FAM135B: variants seen among roughly 807,000 people sequenced by gnomAD.
The protein encoded by FAM135B is family with sequence similarity 135 member B.
In FAM135B, 43 loss-of-function variants were observed where a neutral mutation model predicts 127.7. The observed-to-expected ratio is 0.34, with a 90% CI of 0.26 to 0.43. The LOEUF (loss-of-function observed/expected upper bound fraction) is 0.43. Ranked by LOEUF, FAM135B falls within the 20% of genes least tolerant of loss-of-function variation. FAM135B has a pLI of 1.00. For synonymous variants in FAM135B, 670 were observed against 665.1 expected (o/e 1.01, Z -0.11); for missense variants, 1,558 against 1,725.6 (o/e 0.90, Z 1.72).
rs78347085 is a variant in FAM135B, at chr8:138,261,816, A to C, written c.297+3887T>G. Reference sequence around the variant, plus strand: ...AGCACATGGAATCATGTGTTTGATGAATAGGCATTTCATAAATGTCTGTTG... The same window carrying C: ...AGCACATGGAATCATGTGTTTGATGCATAGGCATTTCATAAATGTCTGTTG... On this transcript the variant is annotated intron_variant, in intron 4 of 19. Coordinates refer to ENST00000395297, the MANE Select transcript of FAM135B (RefSeq NM_015912.4). 5.1e-3 allele frequency among the ~76,000 whole-genome samples: 777 copies of C among 152,324 alleles called. 4 individuals are homozygous for C. The highest frequency in any genetic ancestry group is 0.02 in the Middle Eastern group (6 of 294).
chr8:138,208,207 G>C (rs751295848), intron 7 of FAM135B, among the ~76,000 whole-genome samples: 1 of 152,096 alleles, frequency 6.6e-6, no homozygotes, highest in East Asian at 1.9e-4. Flanking sequence ...TAGAGGGTTC[G>C]AATAGGTCAG....
At chr8:138,357,303 A>G (rs75331511) in intron 2 of FAM135B, among the ~76,000 whole-genome samples, 4,922 of 152,242 alleles carry the variant, frequency 0.032, 159 homozygotes, top group East Asian at 0.17. Context: ...AAAATACAGC[A>G]TTGGTTAAAT....
At chr8:138,468,677 T>A (rs150259441) in intron 1 of FAM135B, among the ~76,000 whole-genome samples, 1 of 152,348 alleles carries the variant, frequency 6.6e-6, no homozygotes, top group East Asian at 1.9e-4. Context: ...AATTTAAAAA[T>A]TTTAGTATTT....
chr8:138,181,245 A>C (rs1415164057), intron 9 of FAM135B, among the ~76,000 whole-genome samples: 1 of 152,168 alleles, frequency 6.6e-6, no homozygotes. Context: ...GTTTCAAAAA[A>C]ATAAAGAAGA....
chr8:138,409,076 T>C (rs1833700266), intron 1 of FAM135B, among the ~76,000 whole-genome samples: 1 of 152,234 alleles, frequency 6.6e-6, no homozygotes, highest in Non-Finnish European at 1.5e-5. Flanking sequence ...TAGCTTTCAG[T>C]TGATCTCAGC....
At chr8:138,372,158 G>T (rs1019817382) in intron 1 of FAM135B, among the ~76,000 whole-genome samples, 2 of 152,194 alleles carry the variant, frequency 1.3e-5, no homozygotes, top group African/African-American at 4.8e-5. Context: ...TGTTCAGAAA[G>T]TGAAGAGAGT....
intron 1 of FAM135B, among the ~76,000 whole-genome samples, chr8:138,394,593 C>T (rs1832760501): frequency 1.3e-5 from 2 of 152,174 alleles, no homozygotes; most frequent in Non-Finnish European, 2.9e-5. Context: ...CTGTGGTGGT[C>T]TCATTTCACT....
intron 2 of FAM135B, among the ~76,000 whole-genome samples, chr8:138,363,982 C>A (rs1027640731): frequency 6.6e-6 from 1 of 152,118 alleles, no homozygotes; most frequent in East Asian, 1.9e-4. Flanking sequence ...CCTTGTAGAG[C>A]ACACATTTAA....
intron 19 of FAM135B, among the ~76,000 whole-genome samples, chr8:138,136,940 A>G (rs977919517): frequency 1.3e-5 from 2 of 152,206 alleles, no homozygotes; most frequent in Non-Finnish European, 2.9e-5. Context: ...AAGTTTCATA[A>G]TCTAATAAAC....
At chr8:138,218,408 C>T (rs1469925046) in intron 7 of FAM135B, among the ~76,000 whole-genome samples, 3 of 152,164 alleles carry the variant, frequency 2.0e-5, no homozygotes, top group Non-Finnish European at 4.4e-5. Flanking sequence ...CTCACAATCA[C>T]ATATTAATTT....
At chr8:138,192,427 C>A (rs1444331531) in intron 9 of FAM135B, among the ~76,000 whole-genome samples, 3 of 152,230 alleles carry the variant, frequency 2.0e-5, no homozygotes, top group Admixed American at 6.5e-5. Flanking sequence ...TAGCCAAAAT[C>A]TTCGAAATGA....
At chr8:138,463,459 G>A (rs1587514309) in intron 1 of FAM135B, among the ~76,000 whole-genome samples, 1 of 152,180 alleles carries the variant, frequency 6.6e-6, no homozygotes, top group African/African-American at 2.4e-5. Context: ...ACTGTAAGAA[G>A]TTTCATAGCC....
At chr8:138,365,544 T>C (rs985538318) in intron 2 of FAM135B, among the ~76,000 whole-genome samples, 1 of 152,214 alleles carries the variant, frequency 6.6e-6, no homozygotes, top group African/African-American at 2.4e-5. Context: ...CTACTTATTG[T>C]TAGATAGATT....
intron 3 of FAM135B, among the ~76,000 whole-genome samples, chr8:138,281,681 G>T (rs1208942937): frequency 6.6e-6 from 1 of 151,718 alleles, no homozygotes; most frequent in African/African-American, 2.4e-5. Context: ...TCCTTATAAG[G>T]GTCACCTCCC....
intron 13 of FAM135B, 58 bp downstream of exon 13, chr8:138,151,136 A>G (rs1201832559): frequency 5.7e-5 from 76 of 1,344,708 alleles, no homozygotes; most frequent in Non-Finnish European, 7.2e-5. Context: ...AAATGGAGAA[A>G]TATGTGGAAA....
At chr8:138,160,415 G>A (rs1034418401) in intron 12 of FAM135B, among the ~76,000 whole-genome samples, 67 of 151,994 alleles carry the variant, frequency 4.4e-4, no homozygotes, top group African/African-American at 1.4e-3. Context: ...TTGAGATGGA[G>A]TCTCGTTCTG....
intron 2 of FAM135B, among the ~76,000 whole-genome samples, chr8:138,354,034 C>T (rs1829936474): frequency 6.6e-6 from 1 of 152,094 alleles, no homozygotes; most frequent in African/African-American, 2.4e-5. Context: ...AATGCAAAAA[C>T]ACCAATTCTT....
At chr8:138,171,178 C>G (rs543616263) in intron 11 of FAM135B, among the ~76,000 whole-genome samples, 1 of 152,152 alleles carries the variant, frequency 6.6e-6, no homozygotes, top group Non-Finnish European at 1.5e-5. Context: ...TATATTTCTT[C>G]TCATCTCTCT....
chr8:138,456,302 A>T (rs974190913), intron 1 of FAM135B, among the ~76,000 whole-genome samples: 1 of 152,228 alleles, frequency 6.6e-6, no homozygotes, highest in African/African-American at 2.4e-5. Flanking sequence ...CTAAGAGCTA[A>T]TTGCAATTTA....
Sources: gnomAD v4.1 joint callset for allele counts (sites outside exome capture counted in the v4.1 genomes callset) on GRCh38, gnomAD v4.1.1 for gene constraint, MANE v1.5 for transcripts, NCBI Gene and HGNC (gene_info 2026-07-23, HGNC 2026-07-21) for gene names.